Variants in GABRA2 observed in about 807,000 individuals in gnomAD.
The protein encoded by GABRA2 is gamma-aminobutyric acid receptor subunit alpha-2.
Under a neutral mutation model 48.7 loss-of-function variants are expected in GABRA2, and 16 were observed. The ratio of observed to expected loss-of-function variants is 0.33; its 90% CI spans 0.22 to 0.50. The LOEUF is 0.50. GABRA2 is among the 20% of genes least tolerant of loss of function. GABRA2 has a pLI of 0.98. For missense variants in GABRA2, 275 were observed against 535.6 expected, an observed-to-expected ratio of 0.51 and a Z score of 4.80; for synonymous variants, 185 against 184.5, an observed-to-expected ratio of 1.00 and a Z score of -0.02.
chr4:46,382,560 G>C (rs1560610323), intron 3 of GABRA2, among the ~76,000 whole-genome samples: 1 of 152,144 alleles, frequency 6.6e-6, no homozygotes, highest in African/African-American at 2.4e-5. Flanking sequence ...GGACACCATT[G>C]CAAGGATCTG....
intron 8 of GABRA2, among the ~76,000 whole-genome samples, chr4:46,263,002 A>G (rs915067876): frequency 4.0e-5 from 6 of 149,806 alleles, no homozygotes; most frequent in Admixed American, 3.3e-4. Flanking sequence ...GAGAGAGAGA[A>G]AGAAAGAAAG....
chr4:46,362,400 T>C (rs1371550892), intron 3 of GABRA2, among the ~76,000 whole-genome samples: 1 of 152,200 alleles, frequency 6.6e-6, no homozygotes, highest in Non-Finnish European at 1.5e-5. Flanking sequence ...CACGTGGAAC[T>C]GTAAGTCCAT....
At chr4:46,354,910 G>A (rs1015386991) in intron 3 of GABRA2, among the ~76,000 whole-genome samples, 2 of 151,678 alleles carry the variant, frequency 1.3e-5, no homozygotes, top group African/African-American at 4.9e-5. Context: ...CCCCATCTGT[G>A]TCATGGCTGG....
chr4:46,277,661 G>T (rs562595050), intron 8 of GABRA2, among the ~76,000 whole-genome samples: 1 of 152,248 alleles, frequency 6.6e-6, no homozygotes, highest in East Asian at 1.9e-4. Flanking sequence ...AGTTCTTACA[G>T]AATGTCCTTT....
intron 8 of GABRA2, among the ~76,000 whole-genome samples, chr4:46,299,276 C>T (rs531092447): frequency 5.9e-5 from 9 of 151,790 alleles, no homozygotes; most frequent in South Asian, 2.1e-4. Flanking sequence ...TATATAGGTG[C>T]GTACACTTTT....
chr4:46,257,864 T>C (rs1322024187), intron 9 of GABRA2, among the ~76,000 whole-genome samples: 3 of 151,702 alleles, frequency 2.0e-5, no homozygotes, highest in African/African-American at 7.2e-5. Flanking sequence ...ACTGACTAGA[T>C]GTTGAGCGAT....
At chr4:46,368,755 A>C in intron 3 of GABRA2, 1 of 423,364 alleles carries the variant, frequency 2.4e-6, no homozygotes, top group African/African-American at 2.0e-5. Flanking sequence ...TTTCTATAAA[A>C]ATGGAGATCT....
intron 8 of GABRA2, among the ~76,000 whole-genome samples, chr4:46,279,686 A>G (rs1221177675): frequency 6.6e-6 from 1 of 152,182 alleles, no homozygotes; most frequent in Middle Eastern, 3.4e-3. Context: ...GGACTATCCT[A>G]ACATAGTTTC....
chr4:46,370,061 G>A (rs1189902745), intron 3 of GABRA2, among the ~76,000 whole-genome samples: 1 of 151,996 alleles, frequency 6.6e-6, no homozygotes, highest in Non-Finnish European at 1.5e-5. Context: ...GTGACAAGTA[G>A]TAAGAGATGG....
At chr4:46,297,259 C>T (rs1339738818) in intron 8 of GABRA2, among the ~76,000 whole-genome samples, 1 of 151,700 alleles carries the variant, frequency 6.6e-6, no homozygotes, top group Non-Finnish European at 1.5e-5. Context: ...GCCAGTGCAG[C>T]CAGAATATAA....
chr4:46,279,308 C>T (rs961662799), intron 8 of GABRA2, among the ~76,000 whole-genome samples: 3 of 152,104 alleles, frequency 2.0e-5, no homozygotes, highest in Non-Finnish European at 4.4e-5. Flanking sequence ...GTTTACTTAT[C>T]ATCTGTGTAT....
At chr4:46,378,306 C>T (rs1716251805) in intron 3 of GABRA2, among the ~76,000 whole-genome samples, 1 of 152,052 alleles carries the variant, frequency 6.6e-6, no homozygotes, top group Non-Finnish European at 1.5e-5. Flanking sequence ...TCATTTTGTT[C>T]TGTACTAAGA....
intron 4 of GABRA2, among the ~76,000 whole-genome samples, chr4:46,314,316 C>G (rs924146256): frequency 6.6e-6 from 1 of 151,924 alleles, no homozygotes; most frequent in African/African-American, 2.4e-5. Flanking sequence ...ACTTCAAATT[C>G]TATATTTCAC....
chr4:46,339,337 A>G (rs1374875690), intron 3 of GABRA2, among the ~76,000 whole-genome samples: 1 of 151,878 alleles, frequency 6.6e-6, no homozygotes, highest in Non-Finnish European at 1.5e-5. Flanking sequence ...ATTATCACAG[A>G]AAGTTCTGTA....
chr4:46,310,154 A>T lies in GABRA2; in HGVS notation c.559+19T>A. On this transcript the variant is annotated intron_variant, in intron 6 of 9. Coordinates refer to ENST00000381620, the MANE Select transcript of GABRA2 (RefSeq NM_000807.4). ...TGATATTATTGACCCAAAACATGTA[A>T]CTTCATCCCTGTACTTACAGCTGCC... 1.3e-6 allele frequency: 2 copies of T among 1,597,228 alleles called. No individual in the cohort carries two copies. The highest frequency in any genetic ancestry group is 1.7e-6 in the Non-Finnish European group (2 of 1,165,316).
At chr4:46,314,862 T>C (rs1728276556) in intron 4 of GABRA2, among the ~76,000 whole-genome samples, 1 of 152,018 alleles carries the variant, frequency 6.6e-6, no homozygotes, top group Non-Finnish European at 1.5e-5. Context: ...TGTAGATGAA[T>C]CGAATTTTCT....
At chr4:46,325,786 T>A (rs1285543004) in intron 4 of GABRA2, among the ~76,000 whole-genome samples, 1 of 152,066 alleles carries the variant, frequency 6.6e-6, no homozygotes, top group Non-Finnish European at 1.5e-5. Flanking sequence ...TTCAGTCTTC[T>A]GCATATGGCT....
intron 3 of GABRA2, among the ~76,000 whole-genome samples, chr4:46,342,005 G>T (rs368538523): frequency 1.3e-5 from 2 of 152,136 alleles, no homozygotes; most frequent in African/African-American, 4.8e-5. Flanking sequence ...CAGGTCAAAT[G>T]GTGACAGTTT....
intron 8 of GABRA2, chr4:46,302,557 T>C (rs556897938): frequency 6.6e-6 from 1 of 152,216 alleles, no homozygotes; most frequent in East Asian, 1.9e-4. Context: ...TGTTTCTAAC[T>C]TAAAGTTTTA....
Sources: allele counts gnomAD v4.1 joint callset (sites outside exome capture counted in the v4.1 genomes callset), GRCh38; gene constraint gnomAD v4.1.1; transcripts MANE v1.5; gene names NCBI Gene and HGNC (gene_info 2026-07-23, HGNC 2026-07-21).